HDAC3: variants seen among roughly 807,000 people sequenced by gnomAD.
HDAC3 encodes histone deacetylase 3.
HDAC3 carries 21 observed loss-of-function variants against 62.3 expected under a neutral mutation model. The ratio of observed to expected loss-of-function variants is 0.34; its 90% CI spans 0.24 to 0.49. The LOEUF (loss-of-function observed/expected upper bound fraction) is 0.49. HDAC3 is among the 20% of genes least tolerant of loss of function. The probability of loss-of-function intolerance (pLI) is 0.99; values close to 1 mark genes in which losing one functional copy is unlikely to be tolerated. For synonymous variants in HDAC3, 198 were observed against 206.5 expected (o/e 0.96, Z 0.35); for missense variants, 270 against 556.9 (o/e 0.48, Z 5.19).
At chr5:141,624,372 C>CAAAAAAAAAAAAAA (rs58610895) in intron 14 of HDAC3, among the ~76,000 whole-genome samples, 1 of 22,096 alleles carries the variant, frequency 4.5e-5, no homozygotes, top group African/African-American at 1.8e-4. Flanking sequence ...CCGTCTCTAC[C>CAAAAAAAAAAAAAA]AAAAAAAAAA....
chr5:141,634,140 G>GT (rs951384609), intron 3 of HDAC3, among the ~76,000 whole-genome samples: 28 of 151,744 alleles, frequency 1.8e-4, no homozygotes, highest in African/African-American at 4.4e-4. Context: ...CTCCTTCGTT[G>GT]TTTTTTTTGT....
In HDAC3 at chr5:141,628,137, G is replaced by T; in HGVS notation, c.742C>A (p.Gln248Lys). The T allele has an allele frequency of 6.2e-7, 1 of 1,614,126 alleles. No homozygotes were observed. The highest frequency in any genetic ancestry group is 8.5e-7 in the Non-Finnish European group (1 of 1,179,996). ...PVINQVVDFY[Q>K]PTCIVLQCGA... is the part of the protein sequence containing the mutation. ...ACCTGGAGCACAATGCACGTGGGTTGGTAGAAGTCCACTACCTGGTTGATA... is the reference window on the plus strand; with the variant it reads ...ACCTGGAGCACAATGCACGTGGGTTTGTAGAAGTCCACTACCTGGTTGATA... The change falls in exon 9 of 15, where the codon CAA becomes AAA. Residue 248 changes from glutamine to lysine, a missense_variant. Coordinates refer to ENST00000305264, the MANE Select transcript of HDAC3 (RefSeq NM_003883.4). The surrounding 1 kb of genome is among the most constrained non-coding windows in gnomAD (Gnocchi z 4.7).
chr5:141,625,151 C>T lies in HDAC3; in HGVS notation c.1217+57G>A, dbSNP rs1488782463. ...TAATACCTTCCCATTTACTTTTTCC[C>T]TTTTAAACCTCCCCAGCAAGCCTAT... On this transcript the variant is annotated intron_variant, in intron 14 of 14. Coordinates refer to ENST00000305264, the MANE Select transcript of HDAC3 (RefSeq NM_003883.4). The surrounding 1 kb of genome is among the most constrained non-coding windows in gnomAD (Gnocchi z 4.0). The T allele has an allele frequency of 3.9e-6, 6 of 1,519,966 alleles. No homozygotes were observed. Among genetic ancestry groups the T allele is most frequent in the Non-Finnish European group, 5.3e-6 (6 of 1,134,024 alleles). The allele number at this position is 1,519,966 out of a possible 1,614,324, so 94.2% of individuals were successfully genotyped here.
chr5:141,629,348 C>G lies in HDAC3; in HGVS notation c.477-42G>C. ...GCCAGGGTCTGAGCTAGAAGTGAAC[C>G]CCCCAACCCACTCCTCTCAAACACC... On this transcript the variant is annotated intron_variant, in intron 6 of 14. Coordinates refer to ENST00000305264, the MANE Select transcript of HDAC3 (RefSeq NM_003883.4). This position sits in a 1 kb window ranked among gnomAD's most constrained non-coding sequence, Gnocchi z 5.3. 1.2e-6 allele frequency: 2 copies of G among 1,612,670 alleles called. No individual in the cohort carries two copies. Among genetic ancestry groups the G allele is most frequent in the Non-Finnish European group, 1.7e-6 (2 of 1,179,268 alleles).
chr5:141,629,948 C>A lies in HDAC3; in HGVS notation c.364-32G>T. On this transcript the variant is annotated intron_variant, in intron 4 of 14. Transcript: ENST00000305264. The surrounding 1 kb of genome is among the most constrained non-coding windows in gnomAD (Gnocchi z 5.3). ...GACAAACACCTAAGTCACAGTCCTT[C>A]CTGCCCACCCCTCAAGCTGGGAGCC... The A allele has an allele frequency of 6.2e-7, 1 of 1,613,846 alleles. No individual in the cohort carries two copies. Among genetic ancestry groups the A allele is most frequent in the Non-Finnish European group, 8.5e-7 (1 of 1,179,710 alleles).
chr5:141,631,896 A>G (rs184148956), intron 3 of HDAC3, among the ~76,000 whole-genome samples: 1 of 150,678 alleles, frequency 6.6e-6, no homozygotes, highest in Admixed American at 6.6e-5. Context: ...CAGATTAGTA[A>G]TAACAGTCAA....
Position 141,629,448 on chromosome 5 carries a change from C to T in HDAC3, c.477-142G>A. Reference sequence around the variant, plus strand: ...AATGTCACCAGTTCCCTAAAGGCAACTGGGGGCTCCAGCCTAGAGGCTAGA... The same window carrying T: ...AATGTCACCAGTTCCCTAAAGGCAATTGGGGGCTCCAGCCTAGAGGCTAGA... On this transcript the variant is annotated intron_variant, in intron 6 of 14. Coordinates refer to ENST00000305264, the MANE Select transcript of HDAC3 (RefSeq NM_003883.4). This position sits in a 1 kb window ranked among gnomAD's most constrained non-coding sequence, Gnocchi z 5.3. 4 of 1,187,074 alleles carry T rather than the reference C, an allele frequency of 3.4e-6. No individual in the cohort carries two copies. Among genetic ancestry groups the T allele is most frequent in the Non-Finnish European group, 4.8e-6 (4 of 831,610 alleles). 73.5% of individuals were successfully genotyped at this position (1,187,074 alleles called of 1,614,324 possible).
At chr5:141,635,169 G>A (rs1596446601) in intron 2 of HDAC3, 1 of 487,232 alleles carries the variant, frequency 2.1e-6, no homozygotes, top group Non-Finnish European at 3.6e-6. Context: ...TCCACCTCCA[G>A]CTCAGCCTAT....
rs987455601 is a variant in HDAC3 at position 141,626,399 on chromosome 5, T to C, written c.831-116A>G. 6.3e-5 allele frequency: 47 copies of C among 749,340 alleles called. 3 individuals carry two copies. Among genetic ancestry groups the C allele is most frequent in the Admixed American group, 6.4e-5 (3 of 47,224 alleles). 46.4% of individuals were successfully genotyped at this position (749,340 alleles called of 1,614,324 possible). A position where few individuals can be genotyped will look rare whatever the true frequency, so the allele number is the denominator to read the frequency against. ...ACTATAAATGTTCTAAATCTTTATC[T>C]TGATAGTGAAATTCATTATGTTATA... On this transcript the variant is annotated intron_variant, in intron 10 of 14. Coordinates refer to ENST00000305264, the MANE Select transcript of HDAC3 (RefSeq NM_003883.4). The surrounding 1 kb of genome is among the most constrained non-coding windows in gnomAD (Gnocchi z 4.6).
At position 141,625,126 on chromosome 5, in the gene HDAC3, T is replaced by A. The variant is rs2099904277; in HGVS notation, c.1217+82A>T. 1 of 1,312,130 alleles carries A rather than the reference T, an allele frequency of 7.6e-7. No homozygotes were observed. The highest frequency in any genetic ancestry group is 2.5e-5 in the Admixed American group (1 of 39,978). 81.3% of individuals were successfully genotyped at this position (1,312,130 alleles called of 1,614,324 possible). ...GGAGGTAAGCCAGAGGCAATTAAAC[T>A]AATACCTTCCCATTTACTTTTTCCC... On this transcript the variant is annotated intron_variant, in intron 14 of 14. Transcript: ENST00000305264. This position sits in a 1 kb window ranked among gnomAD's most constrained non-coding sequence, Gnocchi z 4.0.
In HDAC3 at chr5:141,627,930, G is replaced by T; in HGVS notation, c.793C>A (p.Arg265=). ...ATGCTGAGGTTAAAGCAGCCCAATC[G>T]ATCACAGCCCAGAGAGTCAGCTCCA... ...QCGADSLGCD[R]LGCFNLSIRG... The change falls in exon 10 of 15, where the codon CGA becomes AGA. Residue 265 remains arginine (R), a synonymous_variant. Transcript: ENST00000305264. 1 of 1,614,114 alleles carries T rather than the reference G, an allele frequency of 6.2e-7. No individual in the cohort carries two copies. The highest frequency in any genetic ancestry group is 8.5e-7 in the Non-Finnish European group (1 of 1,180,036).
At position 141,626,160 on chromosome 5, in the gene HDAC3, G is replaced by A. The variant is rs1332614593; in HGVS notation, c.920+34C>T. On this transcript the variant is annotated intron_variant, in intron 11 of 14. Transcript: ENST00000305264. This position sits in a 1 kb window ranked among gnomAD's most constrained non-coding sequence, Gnocchi z 4.6. ...TCTGAGGGACACCCTAGCTCACACT[G>A]GACAACAGGGGAGGAAATCAGGAGA... 2.5e-6 allele frequency: 4 copies of A among 1,608,590 alleles called. No individual in the cohort carries two copies. In the Middle Eastern group the frequency reaches 5.0e-4, roughly 199 times the overall value.
In HDAC3 at chr5:141,626,438, G is replaced by C; in HGVS notation, c.831-155C>G. ...CATTATGTTATACCCTTAAGATTTG[G>C]GTATACTTTATATGCTGTGTCTCAA... On this transcript the variant is annotated intron_variant, in intron 10 of 14. Coordinates refer to ENST00000305264, the MANE Select transcript of HDAC3 (RefSeq NM_003883.4). This position sits in a 1 kb window ranked among gnomAD's most constrained non-coding sequence, Gnocchi z 4.6. 7 of 652,756 alleles carry C rather than the reference G, an allele frequency of 1.1e-5. No homozygotes were observed. Among genetic ancestry groups the C allele is most frequent in the Non-Finnish European group, 1.9e-5 (7 of 370,316 alleles). The allele number at this position is 652,756 out of a possible 1,614,324, so 40.4% of individuals were successfully genotyped here.
At chr5:141,624,046 T>TAA (rs61366287) in intron 14 of HDAC3, among the ~76,000 whole-genome samples, 6 of 135,790 alleles carry the variant, frequency 4.4e-5, no homozygotes, top group Non-Finnish European at 4.8e-5. Context: ...TAAAGACTTT[T>TAA]AAAAAAAAAA....
In HDAC3 at chr5:141,629,658, C is replaced by G; in HGVS notation, c.476+26G>C. ...TCCTCAGCCAAGAATCCCGTAACTG[C>G]CCCCATCTCCTCCTGGGCTACTTAC... On this transcript the variant is annotated intron_variant, in intron 6 of 14. Transcript: ENST00000305264. This position sits in a 1 kb window ranked among gnomAD's most constrained non-coding sequence, Gnocchi z 5.3. 1 of 1,611,058 alleles carries G rather than the reference C, an allele frequency of 6.2e-7. No individual in the cohort carries two copies. Among genetic ancestry groups the G allele is most frequent in the Non-Finnish European group, 8.5e-7 (1 of 1,178,294 alleles).
intron 3 of HDAC3, among the ~76,000 whole-genome samples, chr5:141,632,047 A>G (rs777691374): frequency 6.8e-6 from 1 of 146,168 alleles, no homozygotes; most frequent in African/African-American, 2.5e-5. Flanking sequence ...TTTTTAAGAC[A>G]GAGTCTCACT....
At chr5:141,635,433 C>T (rs907912398) in intron 2 of HDAC3, among the ~76,000 whole-genome samples, 2 of 152,208 alleles carry the variant, frequency 1.3e-5, no homozygotes, top group Admixed American at 1.3e-4. Context: ...TTTTCTTCTC[C>T]CAGAAAATGC....
At chr5:141,633,514 T>C (rs926326643) in intron 3 of HDAC3, among the ~76,000 whole-genome samples, 1 of 151,518 alleles carries the variant, frequency 6.6e-6, no homozygotes, top group Non-Finnish European at 1.5e-5. Flanking sequence ...CATGAGGGAG[T>C]ATAGATGAAG....
rs766811650 is a variant in HDAC3, at chr5:141,628,182, T to G, written c.697A>C (p.Lys233Gln). ...LRDGIDDQSY[K>Q]HLFQPVINQV... Reference sequence around the variant, plus strand: ...TTGATAACCGGCTGGAAAAGGTGCTTGTAACCTGGGAGAGGGCCAAAGATG... The same window carrying G: ...TTGATAACCGGCTGGAAAAGGTGCTGGTAACCTGGGAGAGGGCCAAAGATG... The change falls in exon 9 of 15, where the codon AAG becomes CAG. Residue 233 changes from lysine to glutamine, a missense_variant. Lys to Gln is a moderately conservative substitution (Grantham distance 53, BLOSUM62 1). Around this residue, in one of 5 missense-constraint regions of HDAC3, gnomAD observed 156 missense variants for 383.9 expected, o/e 0.41. Transcript: ENST00000305264. This position sits in a 1 kb window ranked among gnomAD's most constrained non-coding sequence, Gnocchi z 4.7. The G allele has an allele frequency of 8.1e-6, 13 of 1,613,922 alleles. No homozygotes were observed. Among genetic ancestry groups the G allele is most frequent in the Non-Finnish European group, 1.1e-5 (13 of 1,179,988 alleles).
Sources: allele counts gnomAD v4.1 joint callset (sites outside exome capture counted in the v4.1 genomes callset), GRCh38; gene constraint gnomAD v4.1.1; regional missense constraint gnomAD v4.1.1; non-coding constraint Gnocchi (gnomAD v3.1); transcripts MANE v1.5; gene names NCBI Gene and HGNC (gene_info 2026-07-23, HGNC 2026-07-21).